TRABD2B: variants seen among roughly 807,000 people sequenced by gnomAD.
TRABD2B encodes metalloprotease TIKI2.
A neutral mutation model predicts 40.1 loss-of-function variants in TRABD2B; 14 were observed. The observed-to-expected ratio is 0.35, with a 90% CI of 0.23 to 0.55. The LOEUF (loss-of-function observed/expected upper bound fraction) is 0.55. Ranked by LOEUF, TRABD2B falls within the 20% of genes least tolerant of loss-of-function variation. The pLI is 0.90. For missense variants in TRABD2B, 541 were observed against 648.6 expected (o/e 0.83, Z 1.80); for synonymous variants, 263 against 277.0 (o/e 0.95, Z 0.50).
intron 2 of TRABD2B, among the ~76,000 whole-genome samples, chr1:47,883,563 G>A (rs1457616007): frequency 2.6e-5 from 4 of 152,200 alleles, no homozygotes; most frequent in Admixed American, 6.5e-5. Flanking sequence ...GCTTCTCTGA[G>A]ATCTTAGAAG....
intron 2 of TRABD2B, among the ~76,000 whole-genome samples, chr1:47,976,209 G>C (rs1048261925): frequency 2.0e-5 from 3 of 152,158 alleles, no homozygotes; most frequent in African/African-American, 7.2e-5. Flanking sequence ...TATCTGGTGA[G>C]TGAATAAAAC....
At chr1:47,856,407 G>A (rs1334397424) in intron 2 of TRABD2B, among the ~76,000 whole-genome samples, 1 of 152,252 alleles carries the variant, frequency 6.6e-6, no homozygotes, top group Non-Finnish European at 1.5e-5. Flanking sequence ...ATGAATGTGT[G>A]TGTGAATAAT....
intron 2 of TRABD2B, among the ~76,000 whole-genome samples, chr1:47,815,798 G>GAGATAGAT (rs6143214): frequency 7.0e-4 from 104 of 149,128 alleles, no homozygotes; most frequent in Admixed American, 1.6e-3. Context: ...GATGGTGACA[G>GAGATAGAT]AGATAGATAG....
chr1:47,776,582 C>A (rs562932264), intron 5 of TRABD2B, among the ~76,000 whole-genome samples: 2 of 152,266 alleles, frequency 1.3e-5, no homozygotes, highest in African/African-American at 4.8e-5. Flanking sequence ...CCCAAGGGCA[C>A]CCTCTGTTTT....
At chr1:47,811,765 T>G (rs1374522274) in intron 2 of TRABD2B, among the ~76,000 whole-genome samples, 4 of 152,212 alleles carry the variant, frequency 2.6e-5, no homozygotes, top group Non-Finnish European at 4.4e-5. Context: ...CATATTCTGG[T>G]GCTGTGGGCT....
Position 47,993,948 on chromosome 1 carries a change from C to G in TRABD2B, c.666+86G>C, listed in dbSNP as rs983363071. On this transcript the variant is annotated intron_variant, in intron 2 of 6. Transcript: ENST00000606738. The stretch of plus-strand genomic sequence containing the variant: ...AGGACCTGACTCTGGCTGCCTCCCC[C>G]TCCCCCTCGGAGAAGAAAGACAATC... 8.8e-6 allele frequency: 12 copies of G among 1,365,050 alleles called. No individual in the cohort carries two copies. The Admixed American group carries it at 2.6e-4, about 29-fold the overall frequency. 84.6% of individuals were successfully genotyped at this position (1,365,050 alleles called of 1,614,324 possible). A position where few individuals can be genotyped will look rare whatever the true frequency, so the allele number is the denominator to read the frequency against.
chr1:47,910,759 T>C (rs1322395759), intron 2 of TRABD2B, among the ~76,000 whole-genome samples: 4 of 152,216 alleles, frequency 2.6e-5, no homozygotes, highest in South Asian at 2.1e-4. Context: ...TCATATGGCA[T>C]AGATTGCTCT....
intron 2 of TRABD2B, among the ~76,000 whole-genome samples, chr1:47,831,015 G>C (rs1645240304): frequency 6.6e-6 from 1 of 152,186 alleles, no homozygotes; most frequent in Non-Finnish European, 1.5e-5. Context: ...AGAGAGGCAG[G>C]GGGCCCGACT....
chr1:47,917,984 T>C (rs1644852096), intron 2 of TRABD2B, among the ~76,000 whole-genome samples: 1 of 152,250 alleles, frequency 6.6e-6, no homozygotes, highest in African/African-American at 2.4e-5. Context: ...GCAACAGTTA[T>C]TATTCCCATT....
chr1:47,887,076 G>T (rs1644380482), intron 2 of TRABD2B, among the ~76,000 whole-genome samples: 1 of 152,078 alleles, frequency 6.6e-6, no homozygotes, highest in South Asian at 2.1e-4. Flanking sequence ...AGGTAAAGTG[G>T]GCTAATAATC....
At chr1:47,841,551 A>T (rs1409733623) in intron 2 of TRABD2B, among the ~76,000 whole-genome samples, 1 of 152,246 alleles carries the variant, frequency 6.6e-6, no homozygotes, top group South Asian at 2.1e-4. Flanking sequence ...AGGAAGAGGC[A>T]TGGATGGGGA....
At chr1:47,991,639 T>C in intron 2 of TRABD2B, among the ~76,000 whole-genome samples, 1 of 152,208 alleles carries the variant, frequency 6.6e-6, no homozygotes, top group South Asian at 2.1e-4. Context: ...ATACAAAAAT[T>C]TTAAAAACAA....
rs374260318 is a variant in TRABD2B, at chr1:47,857,763, C to T, written c.667-56144G>A. On this transcript the variant is annotated intron_variant, in intron 2 of 6. Transcript: ENST00000606738. ...TAGGTGGTCTACTCCCTGGATGTAG[C>T]CACTGGCCCTTGCTTCTCTTAGCAT... is the stretch of plus-strand genomic sequence containing the variant. Among the ~76,000 whole-genome samples, 7 of 152,120 alleles carry T rather than the reference C, an allele frequency of 4.6e-5. No individual in the cohort carries two copies. The East Asian group carries it at 5.8e-4, about 13-fold the overall frequency.
intron 2 of TRABD2B, among the ~76,000 whole-genome samples, chr1:47,967,228 T>TA (rs1415880355): frequency 6.6e-6 from 1 of 151,950 alleles, no homozygotes; most frequent in African/African-American, 2.4e-5. Flanking sequence ...AGCAGGGCCA[T>TA]AAAAAACACA....
At chr1:47,932,081 T>C (rs1307325082) in intron 2 of TRABD2B, among the ~76,000 whole-genome samples, 7 of 152,154 alleles carry the variant, frequency 4.6e-5, no homozygotes, top group African/African-American at 9.7e-5. Flanking sequence ...AAGAGTTCTT[T>C]TATGAACATG....
chr1:47,837,312 G>A (rs1272107742), intron 2 of TRABD2B, among the ~76,000 whole-genome samples: 2 of 152,176 alleles, frequency 1.3e-5, no homozygotes, highest in African/African-American at 2.4e-5. Context: ...CCCACATTAG[G>A]ACGTCTTGTT....
At position 47,996,024 on chromosome 1, in the gene TRABD2B, G is replaced by A. The variant is rs1270464613; in HGVS notation, c.102+664C>T. On this transcript the variant is annotated intron_variant, in intron 1 of 6. Coordinates refer to ENST00000606738, the MANE Select transcript of TRABD2B (RefSeq NM_001194986.2). The surrounding 1 kb of genome is among the most constrained non-coding windows in gnomAD (Gnocchi z 4.6). The stretch of plus-strand genomic sequence containing the variant: ...AATAAAGAGGTTCTTTGTTTTGGAA[G>A]GAATATTAGGAGAACCAGTAATTAC... 6.6e-6 allele frequency among the ~76,000 whole-genome samples: 1 copy of A among 152,226 alleles called. No homozygotes were observed. Among genetic ancestry groups the A allele is most frequent in the Non-Finnish European group, 1.5e-5 (1 of 68,038 alleles).
At chr1:47,890,752 A>G (rs948726932) in intron 2 of TRABD2B, among the ~76,000 whole-genome samples, 1 of 152,222 alleles carries the variant, frequency 6.6e-6, no homozygotes, top group African/African-American at 2.4e-5. Context: ...ACGTTCATTC[A>G]ACAAATATTC....
chr1:47,943,234 G>A (rs1025641900), intron 2 of TRABD2B, among the ~76,000 whole-genome samples: 2 of 152,154 alleles, frequency 1.3e-5, no homozygotes, highest in Non-Finnish European at 2.9e-5. Context: ...CCATGTTAGG[G>A]TCCTTCCATT....
Sources: gnomAD v4.1 joint callset for allele counts (sites outside exome capture counted in the v4.1 genomes callset) on GRCh38, gnomAD v4.1.1 for gene constraint, Gnocchi (gnomAD v3.1) non-coding constraint, MANE v1.5 for transcripts, NCBI Gene and HGNC (gene_info 2026-07-23, HGNC 2026-07-21) for gene names.